CD300E: variants seen among roughly 807,000 people sequenced by gnomAD.
CD300E encodes the protein CMRF35-like molecule 2.
CD300E carries 14 observed loss-of-function variants against 20.9 expected under a neutral mutation model. The ratio of observed to expected loss-of-function variants is 0.67; its 90% CI spans 0.44 to 1.05. The LOEUF is 1.05. Ranked by LOEUF, CD300E falls within the 50% of genes least tolerant of loss-of-function variation. The pLI is 0.00. For synonymous variants in CD300E, 102 were observed against 103.7 expected (o/e 0.98, Z 0.10); for missense variants, 237 against 253.9 (o/e 0.93, Z 0.45).
intron 2 of CD300E, among the ~76,000 whole-genome samples, chr17:74,616,002 C>T (rs888304454): frequency 2.5e-4 from 38 of 152,102 alleles, no homozygotes; most frequent in Admixed American, 2.4e-3. Flanking sequence ...GGGAGGATCA[C>T]GAGCCCAGGA....
At position 74,612,465 on chromosome 17, in the gene CD300E, G is replaced by A; in HGVS notation, c.*188C>T. Reference sequence around the variant, plus strand: ...GCAGGGGACTGGGGAGGAGAAAGGAGGACCCCCAAGCTGCACATTGAGGAC... The same window carrying A: ...GCAGGGGACTGGGGAGGAGAAAGGAAGACCCCCAAGCTGCACATTGAGGAC... On this transcript the variant is annotated 3_prime_UTR_variant, in exon 4 of 4. Transcript: ENST00000392619. 3.2e-6 allele frequency: 2 copies of A among 623,096 alleles called. No homozygotes were observed. The highest frequency in any genetic ancestry group is 4.8e-4 in the Middle Eastern group (1 of 2,092). 38.6% of individuals were successfully genotyped at this position (623,096 alleles called of 1,614,324 possible).
intron 2 of CD300E, 63 bp downstream of exon 2, chr17:74,617,055 C>T (rs2030915887): frequency 4.3e-6 from 6 of 1,406,942 alleles, no homozygotes. Context: ...GTGTGCCGCC[C>T]ACCCTTGTTC....
In CD300E at chr17:74,618,814, A is replaced by C. The variant is rs575890069; in HGVS notation, c.41-1349T>G. On this transcript the variant is annotated intron_variant, in intron 1 of 3. Coordinates refer to ENST00000392619, the MANE Select transcript of CD300E (RefSeq NM_181449.3). Reference sequence around the variant, plus strand: ...ACACTCAGTAGCACCTGTCACCCCCACCCTGACCCCTTCCCAGCCCCTACC... The same window carrying C: ...ACACTCAGTAGCACCTGTCACCCCCCCCCTGACCCCTTCCCAGCCCCTACC... Among the ~76,000 whole-genome samples the C allele has an allele frequency of 1.9e-4, 28 of 147,204 alleles. No homozygotes were observed. The East Asian group carries it at 5.2e-3, about 27-fold the overall frequency.
chr17:74,612,924 C>T, intron 3 of CD300E, 151 bp from the exon 4 acceptor site: 2 of 1,060,068 alleles, frequency 1.9e-6, no homozygotes, highest in Non-Finnish European at 2.7e-6. Flanking sequence ...CCTTCTGTGG[C>T]CCCCATCCCT....
At chr17:74,620,246 C>T (rs1172951141) in intron 1 of CD300E, among the ~76,000 whole-genome samples, 4 of 152,014 alleles carry the variant, frequency 2.6e-5, no homozygotes, top group African/African-American at 4.8e-5. Context: ...CCGAGGCGGG[C>T]GGATCACCAG....
chr17:74,613,363 A>G (rs1342325987), intron 3 of CD300E, among the ~76,000 whole-genome samples: 1 of 152,148 alleles, frequency 6.6e-6, no homozygotes. Flanking sequence ...CGGCCTCCCA[A>G]ACTGTTGGGA....
In CD300E at chr17:74,617,377, C is replaced by T. The variant is rs2030926999; in HGVS notation, c.129G>A (p.Lys43=). 14 of 1,614,056 alleles carry T rather than the reference C, an allele frequency of 8.7e-6. No homozygotes were observed. The East Asian group carries it at 8.9e-5, about 10-fold the overall frequency. ...TVWCQYESMY[K]GYNKYWCRGQ... The stretch of plus-strand genomic sequence containing the variant: ...CTCGGCACCAGTACTTGTTATATCC[C>T]TTGTACATGCTCTCATACTGACACC... Residue 43 remains lysine, a synonymous_variant, in exon 2 of 4, where the codon AAG becomes AAA. Transcript: ENST00000392619.
At chr17:74,621,429 A>G (rs1319835362) in intron 1 of CD300E, among the ~76,000 whole-genome samples, 1 of 152,252 alleles carries the variant, frequency 6.6e-6, no homozygotes, top group Non-Finnish European at 1.5e-5. Context: ...CCTGAAGTTA[A>G]GGAAAAAGAA....
intron 1 of CD300E, among the ~76,000 whole-genome samples, chr17:74,622,952 G>C (rs1338966620): frequency 1.3e-5 from 2 of 152,116 alleles, no homozygotes; most frequent in African/African-American, 4.8e-5. Context: ...TGGCCAGGCT[G>C]GTCTCAAACT....
chr17:74,623,520 C>T, intron 1 of CD300E, 62 bp downstream of exon 1: 1 of 1,540,170 alleles, frequency 6.5e-7, no homozygotes, highest in Non-Finnish European at 8.9e-7. Context: ...CCCAGGACAG[C>T]TCTTCTACCT....
rs1422694847 is a variant in CD300E at position 74,610,134 on chromosome 17, A to C, written c.*2519T>G. The C allele has an allele frequency of 6.6e-6, 1 of 152,328 alleles. No individual in the cohort carries two copies. The highest frequency in any genetic ancestry group is 2.4e-5 in the African/African-American group (1 of 41,422). 9.4% of individuals were successfully genotyped at this position (152,328 alleles called of 1,614,324 possible). On this transcript the variant is annotated 3_prime_UTR_variant, in exon 4 of 4. Coordinates refer to ENST00000392619, the MANE Select transcript of CD300E (RefSeq NM_181449.3). ...TAGTGACCTTGTGAATGATAAGTTC[A>C]ATAGCCTCCTCTCAATCCCGGTCCT... is the stretch of plus-strand genomic sequence containing the variant.
At chr17:74,618,705 G>C (rs539513597) in intron 1 of CD300E, among the ~76,000 whole-genome samples, 3 of 151,986 alleles carry the variant, frequency 2.0e-5, no homozygotes, top group Non-Finnish European at 4.4e-5. Context: ...CTGCCACCAC[G>C]CACACCTTCC....
intron 1 of CD300E, among the ~76,000 whole-genome samples, chr17:74,618,531 G>A (rs867785565): frequency 2.0e-5 from 3 of 152,074 alleles, no homozygotes; most frequent in African/African-American, 7.2e-5. Context: ...ATGACTATCT[G>A]GGCTCCTGAG....
intron 2 of CD300E, among the ~76,000 whole-genome samples, chr17:74,615,581 G>A (rs1465732300): frequency 6.6e-6 from 1 of 152,136 alleles, no homozygotes; most frequent in Non-Finnish European, 1.5e-5. Context: ...TTTTTCCCCA[G>A]CAGCGCTAGA....
intron 1 of CD300E, among the ~76,000 whole-genome samples, chr17:74,618,514 G>T (rs1474659017): frequency 6.6e-6 from 1 of 152,106 alleles, no homozygotes; most frequent in Non-Finnish European, 1.5e-5. Flanking sequence ...TGGCATCTGT[G>T]GGTCCTATGA....
At position 74,612,769 on chromosome 17, in the gene CD300E, G is replaced by C; in HGVS notation, c.502C>G (p.Arg168Gly). ...AGCAGGAAGTGAGGGCTGCTGAGCCGGAACCTGTGGTGGACACGGTGAAAA... is the reference window on the plus strand; with the variant it reads ...AGCAGGAAGTGAGGGCTGCTGAGCCCGAACCTGTGGTGGACACGGTGAAAA... Reference protein sequence around the residue: ...GEVLTQNSGFRLSSPHFLLVV... With the variant: ...GEVLTQNSGFGLSSPHFLLVV... The change falls in exon 4 of 4, where the codon CGG becomes GGG. Residue 168 changes from arginine to glycine, a missense_variant. Physicochemically the swap from Arg to Gly is moderately radical, Grantham distance 125 (BLOSUM62 -2). Transcript: ENST00000392619. 6.2e-7 allele frequency: 1 copy of C among 1,613,708 alleles called. No homozygotes were observed. The highest frequency in any genetic ancestry group is 8.5e-7 in the Non-Finnish European group (1 of 1,179,892).
chr17:74,617,343 C>G lies in CD300E; in HGVS notation c.163G>C (p.Asp55His). ...YNKYWCRGQYDTSCESIVETK... is the reference protein window; with the variant it reads ...YNKYWCRGQYHTSCESIVETK... Reference sequence around the variant, plus strand: ...TCCACAATGCTCTCACATGACGTGTCGTACTGTCCTCGGCACCAGTACTTG... The same window carrying G: ...TCCACAATGCTCTCACATGACGTGTGGTACTGTCCTCGGCACCAGTACTTG... The change falls in exon 2 of 4, where the codon GAC becomes CAC. Residue 55 changes from aspartate (D) to histidine (H), a missense_variant. Transcript: ENST00000392619. The G allele has an allele frequency of 6.2e-7, 1 of 1,614,218 alleles. No individual in the cohort carries two copies. The highest frequency in any genetic ancestry group is 8.5e-7 in the Non-Finnish European group (1 of 1,180,040).
intron 1 of CD300E, among the ~76,000 whole-genome samples, chr17:74,619,561 G>A (rs1338381128): frequency 3.3e-5 from 5 of 151,944 alleles, no homozygotes; most frequent in Admixed American, 3.3e-4. Flanking sequence ...TACAACCTGG[G>A]CTCCTTCAGC....
chr17:74,621,335 G>A (rs1037964882), intron 1 of CD300E, among the ~76,000 whole-genome samples: 2 of 152,184 alleles, frequency 1.3e-5, no homozygotes, highest in Non-Finnish European at 2.9e-5. Flanking sequence ...TGTTTGTTAA[G>A]TTACATATAA....
Sources: gnomAD v4.1 joint callset for allele counts (sites outside exome capture counted in the v4.1 genomes callset) on GRCh38, gnomAD v4.1.1 for gene constraint, MANE v1.5 for transcripts, NCBI Gene and HGNC (gene_info 2026-07-23, HGNC 2026-07-21) for gene names.